Variants in EPHA6 observed in about 807,000 individuals in gnomAD.
EPHA6 encodes EPH receptor A6, also known as ephrin type-A receptor 6.
In EPHA6, 50 loss-of-function variants were observed where a neutral mutation model predicts 112.0. The observed-to-expected ratio is 0.45, with a 90% CI of 0.36 to 0.56. The LOEUF is 0.56. Among genes scored for constraint, EPHA6 ranks in the 20% least tolerant of loss-of-function variants. The pLI, the probability that EPHA6 is intolerant of heterozygous loss-of-function variation, is 0.00. For missense variants in EPHA6, 1,280 were observed against 1,417.4 expected (o/e 0.90, Z 1.56); for synonymous variants, 529 against 490.7 (o/e 1.08, Z -1.03).
intron 5 of EPHA6, among the ~76,000 whole-genome samples, chr3:97,287,941 C>T (rs2080530522): frequency 6.6e-6 from 1 of 151,690 alleles, no homozygotes; most frequent in Admixed American, 6.6e-5. Context: ...GGAAGAATTC[C>T]CTCCTCTGCA....
chr3:97,280,553 C>T (rs1159477646), intron 5 of EPHA6, among the ~76,000 whole-genome samples: 2 of 151,896 alleles, frequency 1.3e-5, no homozygotes, highest in Non-Finnish European at 2.9e-5. Flanking sequence ...TTTTAATCTC[C>T]ATTTATAAAA....
chr3:97,703,135 C>T (rs188768524), intron 14 of EPHA6, among the ~76,000 whole-genome samples: 3 of 152,234 alleles, frequency 2.0e-5, no homozygotes, highest in African/African-American at 2.4e-5. Flanking sequence ...ACAGAGCTGA[C>T]GTGAAACTTC....
chr3:97,591,190 G>A (rs2093540877), intron 11 of EPHA6, among the ~76,000 whole-genome samples: 1 of 152,128 alleles, frequency 6.6e-6, no homozygotes, highest in Non-Finnish European at 1.5e-5. Context: ...AGTGCACACT[G>A]TATTGGCCTC....
At chr3:96,930,855 G>A (rs949822364) in intron 2 of EPHA6, among the ~76,000 whole-genome samples, 4 of 151,802 alleles carry the variant, frequency 2.6e-5, no homozygotes, top group African/African-American at 9.7e-5. Context: ...AGCCAGGCAT[G>A]GTGGCATGCG....
At chr3:96,904,170 T>C (rs1168368763) in intron 2 of EPHA6, among the ~76,000 whole-genome samples, 1 of 151,970 alleles carries the variant, frequency 6.6e-6, no homozygotes, top group Non-Finnish European at 1.5e-5. Flanking sequence ...ATGTTTATTG[T>C]GGCAGTATTC....
intron 3 of EPHA6, among the ~76,000 whole-genome samples, chr3:97,033,045 C>A (rs2044933373): frequency 6.6e-6 from 1 of 150,564 alleles, no homozygotes; most frequent in Non-Finnish European, 1.5e-5. Flanking sequence ...GAAACCTTCC[C>A]AAATGTGGAA....
chr3:97,029,942 C>T (rs937530425), intron 3 of EPHA6, among the ~76,000 whole-genome samples: 1 of 152,030 alleles, frequency 6.6e-6, no homozygotes, highest in Non-Finnish European at 1.5e-5. Context: ...TTTGGTACTG[C>T]GTCTCCAGGT....
rs117181525 is a variant in EPHA6 at position 97,248,498 on chromosome 3, C to T, written c.1606+4211C>T. Among the ~76,000 whole-genome samples, 442 of 152,154 alleles carry T rather than the reference C, an allele frequency of 2.9e-3. 16 individuals carry two copies. The East Asian group carries it at 0.074, about 25-fold the overall frequency. ...CAAAACAAATTGTGTTTGTAGATAT[C>T]CTGACATGTGCAAAAACCTTTAGGG... On this transcript the variant is annotated intron_variant, in intron 5 of 17. Coordinates refer to ENST00000389672, the MANE Select transcript of EPHA6 (RefSeq NM_001080448.3).
intron 11 of EPHA6, among the ~76,000 whole-genome samples, chr3:97,549,610 C>T (rs1345416042): frequency 2.0e-5 from 3 of 152,064 alleles, no homozygotes; most frequent in Non-Finnish European, 4.4e-5. Flanking sequence ...TCTCAGAACC[C>T]TGATCATCTT....
intron 3 of EPHA6, among the ~76,000 whole-genome samples, chr3:97,165,491 G>A (rs2076520510): frequency 6.6e-6 from 1 of 152,130 alleles, no homozygotes; most frequent in East Asian, 1.9e-4. Flanking sequence ...TTAAGATCAT[G>A]GGGCAGTGGA....
chr3:97,400,075 T>G (rs1000479818), intron 5 of EPHA6, among the ~76,000 whole-genome samples: 1 of 151,748 alleles, frequency 6.6e-6, no homozygotes, highest in Non-Finnish European at 1.5e-5. Flanking sequence ...TATTTTTGAG[T>G]CTTAACATTT....
intron 2 of EPHA6, among the ~76,000 whole-genome samples, chr3:96,907,215 A>C (rs928163112): frequency 2.6e-5 from 4 of 151,936 alleles, no homozygotes; most frequent in Non-Finnish European, 5.9e-5. Context: ...AACACAAGTA[A>C]ATTATTTCCT....
chr3:97,308,229 G>A lies in EPHA6; in HGVS notation c.1606+63942G>A, dbSNP rs898704709. ...TCTCATCTGTATGATTATAGTAATC[G>A]GCTATAATCCCATTTTCCATTGTTA... On this transcript the variant is annotated intron_variant, in intron 5 of 17. Coordinates refer to ENST00000389672, the MANE Select transcript of EPHA6 (RefSeq NM_001080448.3). Among the ~76,000 whole-genome samples, 3 of 151,370 alleles carry A rather than the reference G, an allele frequency of 2.0e-5. No homozygotes were observed. The Admixed American group carries it at 2.0e-4, about 10-fold the overall frequency.
intron 1 of EPHA6, among the ~76,000 whole-genome samples, chr3:96,841,427 T>C (rs2034741388): frequency 6.6e-6 from 1 of 152,108 alleles, no homozygotes; most frequent in African/African-American, 2.4e-5. Context: ...GCTTTCCATC[T>C]TTCGATTTCC....
At chr3:96,850,324 T>C (rs1286498686) in intron 1 of EPHA6, among the ~76,000 whole-genome samples, 1 of 152,074 alleles carries the variant, frequency 6.6e-6, no homozygotes, top group Non-Finnish European at 1.5e-5. Flanking sequence ...CACCAGGAGA[T>C]AGCCCAATAA....
intron 3 of EPHA6, among the ~76,000 whole-genome samples, chr3:97,058,379 C>G (rs1424904250): frequency 6.6e-6 from 1 of 152,038 alleles, no homozygotes; most frequent in Non-Finnish European, 1.5e-5. Context: ...CCCACTGCAA[C>G]CTCTGCCTCC....
rs192680625 is a variant in EPHA6, at chr3:97,412,431, C to T, written c.1731+7157C>T. ...ATACATTTCTGAATTTGCTTCCTCA[C>T]CACTTTTCCTGAATTCCATGTCTTT... On this transcript the variant is annotated intron_variant, in intron 6 of 17. Transcript: ENST00000389672. Among the ~76,000 whole-genome samples, 185 of 152,160 alleles carry T rather than the reference C, an allele frequency of 1.2e-3. 2 individuals carry two copies. The highest frequency in any genetic ancestry group is 4.3e-3 in the African/African-American group (177 of 41,534).
At position 97,750,553 on chromosome 3, in the gene EPHA6, C is replaced by T. The variant is rs1331620200; in HGVS notation, c.*1852C>T. Among the ~76,000 whole-genome samples the T allele has an allele frequency of 6.6e-6, 1 of 151,970 alleles. No individual in the cohort carries two copies. The highest frequency in any genetic ancestry group is 2.4e-5 in the African/African-American group (1 of 41,380). On this transcript the variant is annotated 3_prime_UTR_variant, in exon 18 of 18. Coordinates refer to ENST00000389672, the MANE Select transcript of EPHA6 (RefSeq NM_001080448.3). ...TGTATTTTTAGTAGAGACGGGGTTT[C>T]ACCATGTTGGCCAGGCTGCTCGAAC...
Position 97,150,521 on chromosome 3 carries a change from G to A in EPHA6, c.1115-75743G>A, listed in dbSNP as rs146495793. On this transcript the variant is annotated intron_variant, in intron 3 of 17. Transcript: ENST00000389672. ...TCTAATTCTGCAAGCTCAGGGTTCC[G>A]CCCCTGTTCCTCAGTCCACTAAGTA... Among the ~76,000 whole-genome samples, 71 of 152,030 alleles carry A rather than the reference G, an allele frequency of 4.7e-4. 2 individuals are homozygous for A. The highest frequency in any genetic ancestry group is 1.6e-3 in the African/African-American group (67 of 41,492).
Sources: allele counts gnomAD v4.1 joint callset (sites outside exome capture counted in the v4.1 genomes callset), GRCh38; gene constraint gnomAD v4.1.1; transcripts MANE v1.5; gene names NCBI Gene and HGNC (gene_info 2026-07-23, HGNC 2026-07-21).